The following XKR5 variants were observed in gnomAD, a reference collection of about 807,000 sequenced individuals.
The protein encoded by XKR5 is XK related 5, also known as XK-related protein 5.
Under a neutral mutation model 40.8 loss-of-function variants are expected in XKR5, and 46 were observed. The observed-to-expected ratio is 1.13, with a 90% CI of 0.89 to 1.44. The LOEUF is 1.44. Ranked by LOEUF, XKR5 falls within the 40% of genes most tolerant of loss-of-function variation. The probability of loss-of-function intolerance (pLI) is 0.00; values close to 1 mark genes in which losing one functional copy is unlikely to be tolerated. For synonymous variants in XKR5, 466 were observed against 356.1 expected, an observed-to-expected ratio of 1.31 and a Z score of -3.48; for missense variants, 1,169 against 844.7, an observed-to-expected ratio of 1.38 and a Z score of -4.76.
intron 2 of XKR5, among the ~76,000 whole-genome samples, chr8:6,830,074 T>G (rs770863420): frequency 1.3e-5 from 2 of 151,798 alleles, no homozygotes; most frequent in Non-Finnish European, 2.9e-5. Flanking sequence ...CCTGACCTCG[T>G]GATCCGCCTG....
chr8:6,823,865 C>T (rs751598451), intron 3 of XKR5, 135 bp from the exon 4 acceptor site: 9 of 728,004 alleles, frequency 1.2e-5, no homozygotes, highest in Non-Finnish European at 1.8e-5. Flanking sequence ...GAGAGTATTA[C>T]TAACCCACCA....
chr8:6,822,470 C>T (rs775405241), intron 4 of XKR5, among the ~76,000 whole-genome samples: 6 of 151,896 alleles, frequency 4.0e-5, no homozygotes, highest in East Asian at 3.9e-4. Flanking sequence ...TATTTTAAGA[C>T]GAATAAATCA....
chr8:6,813,690 A>C (rs887981611), intron 6 of XKR5, among the ~76,000 whole-genome samples: 6 of 152,302 alleles, frequency 3.9e-5, no homozygotes, highest in East Asian at 3.9e-4. Context: ...GCCGGTGGCC[A>C]CCTGGGTGCT....
chr8:6,832,833 G>A lies in XKR5; in HGVS notation c.126C>T (p.Val42=). Residue 42 remains valine, a synonymous_variant, in exon 2 of 7, where the codon GTC becomes GTT. Coordinates refer to ENST00000618742, the MANE Select transcript of XKR5 (RefSeq NM_207411.5). ...RLLWGWLALA[V]LLPGFLVQAL... The stretch of plus-strand genomic sequence containing the variant: ...CCTGGACCAAGAACCCGGGCAGGAG[G>A]ACAGCAAGGGCCAGCCACCCCCACA... The A allele has an allele frequency of 6.2e-7, 1 of 1,611,894 alleles. No individual in the cohort carries two copies. The highest frequency in any genetic ancestry group is 2.2e-5 in the East Asian group (1 of 44,762).
At chr8:6,820,244 C>A (rs888552493) in intron 5 of XKR5, among the ~76,000 whole-genome samples, 4 of 152,206 alleles carry the variant, frequency 2.6e-5, no homozygotes, top group African/African-American at 9.6e-5. Context: ...CTGTGCACAG[C>A]GAGAGAGATA....
chr8:6,824,809 C>A (rs1210703479), intron 3 of XKR5, among the ~76,000 whole-genome samples: 2 of 152,150 alleles, frequency 1.3e-5, no homozygotes, highest in Non-Finnish European at 2.9e-5. Flanking sequence ...AGGTGTGAGA[C>A]TTGTGCCCGG....
At chr8:6,814,124 G>C (rs1185822607) in intron 6 of XKR5, among the ~76,000 whole-genome samples, 1 of 152,204 alleles carries the variant, frequency 6.6e-6, no homozygotes, top group Non-Finnish European at 1.5e-5. Flanking sequence ...TGGTGAGAGT[G>C]GTGCTTCTCA....
rs1804260115 is a variant in XKR5, at chr8:6,822,001, G to C, written c.675C>G (p.Ala225=). 1 of 1,606,154 alleles carries C rather than the reference G, an allele frequency of 6.2e-7. No homozygotes were observed. The highest frequency in any genetic ancestry group is 8.5e-7 in the Non-Finnish European group (1 of 1,176,674). Residue 225 remains alanine (A), a synonymous_variant, in exon 5 of 7, where the codon GCC becomes GCG. Coordinates refer to ENST00000618742, the MANE Select transcript of XKR5 (RefSeq NM_207411.5). The stretch of plus-strand genomic sequence containing the variant: ...TGCTGTCGATGATGTCACTCTGCTG[G>C]GCGACAAGCCAGAATGTCATCACCA... ...HWLVMTFWLV[A]QQSDIIDSTC... is the part of the protein sequence containing the mutation.
At chr8:6,835,200 C>A (rs1429810134) in intron 1 of XKR5, among the ~76,000 whole-genome samples, 2 of 150,628 alleles carry the variant, frequency 1.3e-5, no homozygotes, top group Non-Finnish European at 3.0e-5. Flanking sequence ...GGGAACCGAG[C>A]ATGGGTGGAG....
chr8:6,826,503 T>G (rs1171794800), intron 2 of XKR5, among the ~76,000 whole-genome samples: 1 of 152,054 alleles, frequency 6.6e-6, no homozygotes, highest in Non-Finnish European at 1.5e-5. Context: ...ATTTGATGAC[T>G]GAACAGGGGA....
rs974463047 is a variant in XKR5, at chr8:6,811,553, C to T, written c.1706G>A (p.Gly569Glu). The T allele has an allele frequency of 5.9e-6, 9 of 1,536,160 alleles. No individual in the cohort carries two copies. Among genetic ancestry groups the T allele is most frequent in the Non-Finnish European group, 7.9e-6 (9 of 1,146,312 alleles). Reference protein sequence around the residue: ...SPATLQTAHSGRRLGKSSPAQ... With the variant: ...SPATLQTAHSERRLGKSSPAQ... ...AGGGCTGCTCTTTCCCAGCCTCCTT[C>T]CAGAGTGGGCCGTTTGCAGAGTAGC... The change falls in exon 7 of 7, where the codon GGA becomes GAA. Residue 569 changes from glycine to glutamate, a missense_variant. Gly to Glu is a moderately conservative substitution (Grantham distance 98). Coordinates refer to ENST00000618742, the MANE Select transcript of XKR5 (RefSeq NM_207411.5).
intron 5 of XKR5, among the ~76,000 whole-genome samples, chr8:6,820,319 C>T (rs998160010): frequency 2.6e-5 from 4 of 152,240 alleles, no homozygotes; most frequent in Admixed American, 1.3e-4. Flanking sequence ...TCTGCTTTTC[C>T]TATTTAATCG....
chr8:6,827,429 G>A (rs1243928895), intron 2 of XKR5, among the ~76,000 whole-genome samples: 1 of 152,156 alleles, frequency 6.6e-6, no homozygotes, highest in Non-Finnish European at 1.5e-5. Flanking sequence ...GACCCTGATG[G>A]GTGGCAAACA....
At chr8:6,824,694 C>G (rs933942333) in intron 3 of XKR5, among the ~76,000 whole-genome samples, 12 of 151,268 alleles carry the variant, frequency 7.9e-5, no homozygotes, top group African/African-American at 2.2e-4. Context: ...CCATGCCTGG[C>G]TAATTTTTGT....
intron 2 of XKR5, among the ~76,000 whole-genome samples, chr8:6,831,338 C>T (rs1338650268): frequency 2.6e-5 from 4 of 152,264 alleles, no homozygotes; most frequent in East Asian, 3.9e-4. Context: ...ACACCAAGGC[C>T]GAGCTTTTGG....
chr8:6,825,119 C>A, intron 3 of XKR5, 46 bp downstream of exon 3: 1 of 1,606,480 alleles, frequency 6.2e-7, no homozygotes. Context: ...TTCCTGTCCC[C>A]CTTCGGCAGT....
In XKR5 at chr8:6,811,239, A is replaced by T. The variant is rs950078278; in HGVS notation, c.2020T>A (p.Cys674Ser). The change falls in exon 7 of 7, where the codon TGC becomes AGC. Residue 674 changes from cysteine (C) to serine (S), a missense_variant. By Grantham distance (112) the Cys-to-Ser change is moderately radical (BLOSUM62 -1). Coordinates refer to ENST00000618742, the MANE Select transcript of XKR5 (RefSeq NM_207411.5). The stretch of plus-strand genomic sequence containing the variant: ...GGCTCTTGCTTCATCTGTTCCCTGC[A>T]GCTGCAGTCCGTTTGGATAGACTCA... ...KSESIQTDCS[C>S]REQMKQEPSF... 1 of 1,537,280 alleles carries T rather than the reference A, an allele frequency of 6.5e-7. No homozygotes were observed. Among genetic ancestry groups the T allele is most frequent in the African/African-American group, 1.4e-5 (1 of 73,176 alleles).
chr8:6,833,967 G>T (rs536384087), intron 1 of XKR5, among the ~76,000 whole-genome samples: 1 of 152,158 alleles, frequency 6.6e-6, no homozygotes, highest in Non-Finnish European at 1.5e-5. Flanking sequence ...TGGTGGTTAC[G>T]CAGTGGAGAG....
chr8:6,833,927 T>A (rs1587210853), intron 1 of XKR5, among the ~76,000 whole-genome samples: 1 of 152,190 alleles, frequency 6.6e-6, no homozygotes, highest in East Asian at 1.9e-4. Flanking sequence ...TGAAACCTCC[T>A]CTCTGGTTTG....
Sources: gnomAD v4.1 joint callset for allele counts (sites outside exome capture counted in the v4.1 genomes callset) on GRCh38, gnomAD v4.1.1 for gene constraint, MANE v1.5 for transcripts, NCBI Gene and HGNC (gene_info 2026-07-23, HGNC 2026-07-21) for gene names.